The following STOX2 variants were observed in gnomAD, a reference collection of about 807,000 sequenced individuals.
The protein encoded by STOX2 is storkhead-box protein 2.
A neutral mutation model predicts 60.9 loss-of-function variants in STOX2; 28 were observed. That is an observed-to-expected ratio of 0.46 (90% CI 0.34 to 0.63). The LOEUF (loss-of-function observed/expected upper bound fraction) is 0.63. Ranked by LOEUF, STOX2 falls within the 30% of genes least tolerant of loss-of-function variation. The pLI, the probability that STOX2 is intolerant of heterozygous loss-of-function variation, is 0.01. For missense variants in STOX2, 1,024 were observed against 1,187.7 expected (o/e 0.86, Z 2.03); for synonymous variants, 472 against 463.9 (o/e 1.02, Z -0.22).
At chr4:183,967,329 G>GCACT (rs1287484553) in intron 1 of STOX2, among the ~76,000 whole-genome samples, 1 of 150,848 alleles carries the variant, frequency 6.6e-6, no homozygotes, top group Non-Finnish European at 1.5e-5. Context: ...TTGTGCCATT[G>GCACT]CACTCCAGCC....
intron 1 of STOX2, among the ~76,000 whole-genome samples, chr4:183,802,345 G>A (rs13130770): frequency 0.27 from 40,330 of 152,112 alleles, 6,350 homozygotes; most frequent in South Asian, 0.41. Flanking sequence ...TTCTTGAAGT[G>A]ATTTCCCCAA....
intron 1 of STOX2, among the ~76,000 whole-genome samples, chr4:183,830,583 T>A (rs953597536): frequency 6.6e-6 from 1 of 152,196 alleles, no homozygotes; most frequent in African/African-American, 2.4e-5. Flanking sequence ...TGCCCAGGGC[T>A]GGTCTGGCCT....
At chr4:183,902,801 C>T (rs1741491246), upstream of STOX2, among the ~76,000 whole-genome samples, 1 of 152,216 alleles carries the variant, frequency 6.6e-6, no homozygotes, top group South Asian at 2.1e-4. Context: ...CTACACCACC[C>T]ATACCTACTT....
chr4:183,896,535 T>A (rs1171081247), intron 1 of STOX2, among the ~76,000 whole-genome samples: 2 of 152,196 alleles, frequency 1.3e-5, no homozygotes, highest in African/African-American at 4.8e-5. Flanking sequence ...AGAGACGGGA[T>A]CTTGTTATGT....
At chr4:183,818,382 A>G (rs1739205343) in intron 1 of STOX2, among the ~76,000 whole-genome samples, 1 of 152,200 alleles carries the variant, frequency 6.6e-6, no homozygotes, top group Admixed American at 6.5e-5. Flanking sequence ...GAGTGGACAC[A>G]GCACATGTTT....
intron 1 of STOX2, among the ~76,000 whole-genome samples, chr4:183,962,799 A>G (rs1743450821): frequency 6.6e-6 from 1 of 152,240 alleles, no homozygotes; most frequent in African/African-American, 2.4e-5. Context: ...CCTTTAGGGA[A>G]GTCTAGAGAA....
At position 183,955,001 on chromosome 4, in the gene STOX2, C is replaced by T. The variant is rs138020157; in HGVS notation, c.167-46324C>T. ...CAGGCTTGAACTACCACGCCCGGCC[C>T]CCCAACCAATCCTGGATTCTCATTC... On this transcript the variant is annotated intron_variant, in intron 1 of 3. Coordinates refer to ENST00000308497, the MANE Select transcript of STOX2 (RefSeq NM_020225.3). Among the ~76,000 whole-genome samples, 352 of 152,302 alleles carry T rather than the reference C, an allele frequency of 2.3e-3. 2 individuals are homozygous for T. Among genetic ancestry groups the T allele is most frequent in the African/African-American group, 8.1e-3 (338 of 41,578 alleles).
At chr4:183,807,035 C>A (rs373110721) in intron 1 of STOX2, among the ~76,000 whole-genome samples, 1 of 152,082 alleles carries the variant, frequency 6.6e-6, no homozygotes, top group African/African-American at 2.4e-5. Context: ...TGCAGTGGCG[C>A]GATCTCGGCT....
At chr4:183,845,616 G>A (rs1739966723) in intron 1 of STOX2, among the ~76,000 whole-genome samples, 1 of 152,174 alleles carries the variant, frequency 6.6e-6, no homozygotes, top group South Asian at 2.1e-4. Context: ...GAAGATAATA[G>A]AGAAGTGATG....
intron 1 of STOX2, among the ~76,000 whole-genome samples, chr4:183,860,901 G>A (rs1205448092): frequency 6.6e-6 from 1 of 152,148 alleles, no homozygotes; most frequent in Non-Finnish European, 1.5e-5. Context: ...CACAGTGCTC[G>A]CCTGCCAAGC....
intron 1 of STOX2, among the ~76,000 whole-genome samples, chr4:183,943,267 G>A (rs1742799856): frequency 6.6e-6 from 1 of 152,090 alleles, no homozygotes; most frequent in African/African-American, 2.4e-5. Context: ...CTTAACTAAA[G>A]CAGAGAATTA....
intron 2 of STOX2, among the ~76,000 whole-genome samples, chr4:184,002,233 CTG>C (rs1163490465): frequency 6.6e-6 from 1 of 152,182 alleles, no homozygotes; most frequent in Non-Finnish European, 1.5e-5. Flanking sequence ...GTTTTAATGT[CTG>C]TGTGCCAGCA....
intron 1 of STOX2, among the ~76,000 whole-genome samples, chr4:183,883,946 G>T (rs888895965): frequency 1.3e-5 from 2 of 151,880 alleles, no homozygotes; most frequent in Non-Finnish European, 2.9e-5. Context: ...CCGCCTCCTG[G>T]GTTCAAGTGA....
chr4:184,012,146 A>G (rs1443072799), intron 3 of STOX2, among the ~76,000 whole-genome samples: 19 of 152,352 alleles, frequency 1.2e-4, no homozygotes, highest in Admixed American at 1.1e-3. Flanking sequence ...CAAAGGGTTG[A>G]CAGTCAAGAG....
At chr4:183,928,370 C>A (rs559476963) in intron 1 of STOX2, among the ~76,000 whole-genome samples, 67 of 152,258 alleles carry the variant, frequency 4.4e-4, no homozygotes, top group Admixed American at 2.1e-3. Context: ...AGCAAAAAAA[C>A]CACACAAACA....
At chr4:184,004,345 A>G (rs1195832457) in intron 2 of STOX2, among the ~76,000 whole-genome samples, 1 of 152,220 alleles carries the variant, frequency 6.6e-6, no homozygotes, top group Non-Finnish European at 1.5e-5. Context: ...CATGCCTGTA[A>G]TCCCAGCACT....
At chr4:183,859,915 CAGATT>C (rs35451632) in intron 1 of STOX2, among the ~76,000 whole-genome samples, 79,932 of 151,234 alleles carry the variant, frequency 0.53, 21,532 homozygotes, top group Non-Finnish European at 0.59. Context: ...CGTTTACTGA[CAGATT>C]AGATTAGATT....
intron 1 of STOX2, among the ~76,000 whole-genome samples, chr4:183,886,324 G>GAGGGTGAAGGTTCAGATGGTTGCTGGAT (rs1276420829): frequency 8.1e-5 from 12 of 148,486 alleles, no homozygotes; most frequent in South Asian, 2.2e-4. Flanking sequence ...GCAAGATCAG[G>GAGGGTGAAGGTTCAGATGGTTGCTGGAT]GTCACTAGGA....
intron 1 of STOX2, among the ~76,000 whole-genome samples, chr4:183,849,020 A>T (rs1740048699): frequency 6.6e-6 from 1 of 152,258 alleles, no homozygotes; most frequent in South Asian, 2.1e-4. Flanking sequence ...AGGCCCTTAG[A>T]TAACTAGTTC....
Sources: gnomAD v4.1 joint callset for allele counts (sites outside exome capture counted in the v4.1 genomes callset) on GRCh38, gnomAD v4.1.1 for gene constraint, MANE v1.5 for transcripts, NCBI Gene and HGNC (gene_info 2026-07-23, HGNC 2026-07-21) for gene names.